The following CDCP1 variants were observed in gnomAD, a reference collection of about 807,000 sequenced individuals.
CDCP1 encodes CUB domain containing protein 1, also known as CUB domain-containing protein 1.
In CDCP1, 29 loss-of-function variants were observed where a neutral mutation model predicts 60.2. The observed-to-expected ratio is 0.48, with a 90% CI of 0.36 to 0.66. CDCP1 has a LOEUF of 0.66. CDCP1 is among the 30% of genes least tolerant of loss of function. The pLI is 0.00. For missense variants in CDCP1, 876 were observed against 1,074.3 expected (o/e 0.82, Z 2.58); for synonymous variants, 387 against 431.1 (o/e 0.90, Z 1.27).
chr3:45,130,970 A>C (rs1411599159), intron 1 of CDCP1, among the ~76,000 whole-genome samples: 1 of 152,058 alleles, frequency 6.6e-6, no homozygotes, highest in African/African-American at 2.4e-5. Flanking sequence ...GGGCTCACGC[A>C]ATCCGCCCAC....
chr3:45,142,713 C>T (rs1307248254), intron 1 of CDCP1, among the ~76,000 whole-genome samples: 2 of 152,146 alleles, frequency 1.3e-5, no homozygotes, highest in Admixed American at 6.5e-5. Context: ...GCCCTAAGAG[C>T]CTCTCTACTC....
intron 4 of CDCP1, among the ~76,000 whole-genome samples, chr3:45,103,284 A>G (rs1403288333): frequency 6.6e-6 from 1 of 152,132 alleles, no homozygotes; most frequent in Non-Finnish European, 1.5e-5. Flanking sequence ...TGATGTTTTT[A>G]GGGCTCATCC....
chr3:45,145,686 G>A (rs1289571677), intron 1 of CDCP1, among the ~76,000 whole-genome samples: 1 of 152,206 alleles, frequency 6.6e-6, no homozygotes, highest in Non-Finnish European at 1.5e-5. Context: ...ACGGGAAAAA[G>A]GGGATCTAGT....
At chr3:45,144,415 G>A (rs1332151913) in intron 1 of CDCP1, among the ~76,000 whole-genome samples, 1 of 152,102 alleles carries the variant, frequency 6.6e-6, no homozygotes, top group Non-Finnish European at 1.5e-5. Flanking sequence ...TACCCTCAAA[G>A]GGCCAGTTCC....
intron 7 of CDCP1, among the ~76,000 whole-genome samples, chr3:45,090,543 T>C (rs541547740): frequency 6.6e-5 from 10 of 152,340 alleles, no homozygotes; most frequent in African/African-American, 2.4e-4. Context: ...TGGCTATTAT[T>C]ATCTACTCTC....
rs72879974 is a variant in CDCP1 at position 45,091,565 on chromosome 3, C to T, written c.1628-27G>A. 3,354 of 1,566,388 alleles carry T rather than the reference C, an allele frequency of 2.1e-3. 49 individuals are homozygous for T. In the African/African-American group the frequency reaches 0.04, roughly 19 times the overall value. ...TGCAGGAAAGGGAGGGAGATCCAGACAGATGTTTCATTCAGTCAACATGGA... is the reference window on the plus strand; with the variant it reads ...TGCAGGAAAGGGAGGGAGATCCAGATAGATGTTTCATTCAGTCAACATGGA... On this transcript the variant is annotated intron_variant, in intron 6 of 8. Transcript: ENST00000296129. The surrounding 1 kb of genome is among the most constrained non-coding windows in gnomAD (Gnocchi z 4.8).
chr3:45,138,565 G>T (rs1297461481), intron 1 of CDCP1, among the ~76,000 whole-genome samples: 6 of 152,234 alleles, frequency 3.9e-5, no homozygotes, highest in Non-Finnish European at 8.8e-5. Flanking sequence ...AGGTTTGGCT[G>T]GTTGCGGTGG....
intron 8 of CDCP1, among the ~76,000 whole-genome samples, chr3:45,088,004 G>C (rs1698228606): frequency 6.7e-6 from 1 of 149,916 alleles, no homozygotes; most frequent in Non-Finnish European, 1.5e-5. Flanking sequence ...CCTGGCAACA[G>C]AGTGAGACTC....
At chr3:45,098,638 T>A (rs1698440939) in intron 4 of CDCP1, among the ~76,000 whole-genome samples, 1 of 130,626 alleles carries the variant, frequency 7.7e-6, no homozygotes, top group Admixed American at 8.2e-5. Context: ...TAGCGAACAC[T>A]CACACCACAC....
rs760125328 is a variant in CDCP1 at position 45,091,399 on chromosome 3, AGT to A, written c.1765_1766del (p.Thr589PhefsTer3). Reference protein sequence around the residue: ...SVPRDQVACLTFFKERSGVVC... With the variant: ...SVPRDQVACLXFFKERSGVVC... ...CCACGCCGCTCCGCTCCTTAAAGAA[AGT>A]CAGGCAGGCCACCTGGTCTCTGGGC... On this transcript the variant is annotated frameshift_variant, in exon 7 of 9. Transcript: ENST00000296129. LOFTEE classifies it high-confidence loss of function. The surrounding 1 kb of genome is among the most constrained non-coding windows in gnomAD (Gnocchi z 4.8). 6.2e-7 allele frequency: 1 copy of A among 1,614,080 alleles called. No homozygotes were observed. The highest frequency in any genetic ancestry group is 1.1e-5 in the South Asian group (1 of 91,062).
intron 2 of CDCP1, among the ~76,000 whole-genome samples, chr3:45,115,664 TA>T (rs1373930245): frequency 2.0e-5 from 3 of 152,328 alleles, no homozygotes; most frequent in Non-Finnish European, 2.9e-5. Flanking sequence ...TAAATTAATA[TA>T]GGGGAGAATT....
intron 1 of CDCP1, among the ~76,000 whole-genome samples, chr3:45,140,926 C>G (rs1023489471): frequency 6.6e-6 from 1 of 152,140 alleles, no homozygotes; most frequent in Non-Finnish European, 1.5e-5. Context: ...TCTGGCTGGG[C>G]GTGGTGGCTC....
intron 4 of CDCP1, among the ~76,000 whole-genome samples, chr3:45,102,654 A>G (rs1005873462): frequency 2.6e-5 from 4 of 151,082 alleles, no homozygotes; most frequent in East Asian, 2.0e-4. Flanking sequence ...AAAAAAAAAA[A>G]AAAAGAAAAA....
intron 8 of CDCP1, among the ~76,000 whole-genome samples, chr3:45,088,568 C>A (rs1247944608): frequency 2.0e-5 from 3 of 152,186 alleles, no homozygotes; most frequent in Non-Finnish European, 4.4e-5. Flanking sequence ...TTCCTCTGGG[C>A]CACAGGCCTG....
At chr3:45,135,076 T>C (rs915559775) in intron 1 of CDCP1, among the ~76,000 whole-genome samples, 6 of 152,166 alleles carry the variant, frequency 3.9e-5, no homozygotes, top group African/African-American at 1.2e-4. Context: ...TGTTTGGGCA[T>C]CATAATGAAG....
intron 1 of CDCP1, among the ~76,000 whole-genome samples, chr3:45,142,713 C>G (rs1307248254): frequency 6.6e-6 from 1 of 152,146 alleles, no homozygotes; most frequent in Admixed American, 6.5e-5. Context: ...GCCCTAAGAG[C>G]CTCTCTACTC....
At chr3:45,105,042 C>G (rs1698539115) in intron 4 of CDCP1, among the ~76,000 whole-genome samples, 1 of 152,224 alleles carries the variant, frequency 6.6e-6, no homozygotes, top group Non-Finnish European at 1.5e-5. Context: ...GAGCAAAACT[C>G]TGTCTCAAAA....
intron 8 of CDCP1, 101 bp downstream of exon 8, chr3:45,088,953 A>G (rs550291357): frequency 9.0e-5 from 86 of 953,904 alleles, no homozygotes; most frequent in Non-Finnish European, 1.3e-4. Flanking sequence ...GGGGGAAAAA[A>G]TGGGAAGCAA....
intron 4 of CDCP1, chr3:45,110,168 C>T (rs1010385812): frequency 5.8e-6 from 7 of 1,202,722 alleles, no homozygotes; most frequent in Non-Finnish European, 7.3e-6. Flanking sequence ...TCCTCATTCA[C>T]ATTGCAGGGT....
Sources: gnomAD v4.1 joint callset for allele counts (sites outside exome capture counted in the v4.1 genomes callset) on GRCh38, gnomAD v4.1.1 for gene constraint, Gnocchi (gnomAD v3.1) non-coding constraint, MANE v1.5 for transcripts, NCBI Gene and HGNC (gene_info 2026-07-23, HGNC 2026-07-21) for gene names.